Variants in ANK2 observed in about 807,000 individuals in gnomAD.
ANK2 encodes ankyrin-2.
Under a neutral mutation model 360.5 loss-of-function variants are expected in ANK2, and 83 were observed. The observed-to-expected ratio is 0.23, with a 90% CI of 0.19 to 0.28. The LOEUF (loss-of-function observed/expected upper bound fraction) is 0.28. Ranked by LOEUF, ANK2 falls within the 10% of genes least tolerant of loss-of-function variation. The pLI is 1.00. For synonymous variants in ANK2, 1,740 were observed against 1,759.5 expected, an observed-to-expected ratio of 0.99 and a Z score of 0.28; for missense variants, 4,201 against 4,795.7, an observed-to-expected ratio of 0.88 and a Z score of 3.66.
chr4:112,860,481 C>G (rs1330159110), intron 1 of ANK2, among the ~76,000 whole-genome samples: 1 of 151,986 alleles, frequency 6.6e-6, no homozygotes, highest in Non-Finnish European at 1.5e-5. Context: ...GGCCTTTGAA[C>G]ACTAGAAAAA....
intron 2 of ANK2, among the ~76,000 whole-genome samples, chr4:112,986,740 T>C (rs934561487): frequency 2.6e-5 from 4 of 152,166 alleles, no homozygotes; most frequent in Non-Finnish European, 5.9e-5. Flanking sequence ...AAATATCAAA[T>C]GGGGAAAAAT....
intron 4 of ANK2, among the ~76,000 whole-genome samples, chr4:113,215,243 A>G (rs2099072741): frequency 6.6e-6 from 1 of 152,122 alleles, no homozygotes; most frequent in South Asian, 2.1e-4. Flanking sequence ...TTAATCCACT[A>G]TTTGTGTGAC....
intron 1 of ANK2, among the ~76,000 whole-genome samples, chr4:113,052,094 T>C (rs759526737): frequency 2.0e-4 from 30 of 152,224 alleles, no homozygotes; most frequent in Middle Eastern, 3.2e-3. Context: ...ATCATTGAGA[T>C]TTACATAAAT....
chr4:113,320,436 G>A (rs2085455933), intron 26 of ANK2, among the ~76,000 whole-genome samples: 1 of 152,160 alleles, frequency 6.6e-6, no homozygotes, highest in Non-Finnish European at 1.5e-5. Flanking sequence ...GACGGATCAT[G>A]AGGTCAGGGG....
chr4:112,826,821 A>T, intron 1 of ANK2: 1 of 1,234,478 alleles, frequency 8.1e-7, no homozygotes, highest in Non-Finnish European at 1.2e-6. Flanking sequence ...TCAAAAAAAT[A>T]AAGTAAAAGA....
chr4:112,763,319 C>T, the ANK2 span, among the ~76,000 whole-genome samples: 1 of 151,548 alleles, frequency 6.6e-6, no homozygotes, highest in Non-Finnish European at 1.5e-5. Context: ...AGCTCCGTCT[C>T]CCGGGTTTAC....
chr4:113,293,250 G>A (rs773952336), intron 21 of ANK2, 190 bp from the exon 22 acceptor site: 230 of 695,348 alleles, frequency 3.3e-4, no homozygotes, highest in Middle Eastern at 2.0e-3. Context: ...TTACCATGGT[G>A]ACCTGGCCTA....
At chr4:113,287,844 A>G (rs1048476387) in intron 19 of ANK2, 141 bp downstream of exon 19, 1 of 758,410 alleles carries the variant, frequency 1.3e-6, no homozygotes, top group Non-Finnish European at 2.3e-6. Context: ...ACCCTCTCCT[A>G]TGCACAAATC....
the ANK2 span, among the ~76,000 whole-genome samples, chr4:112,730,162 G>A: frequency 2.0e-5 from 3 of 147,510 alleles, no homozygotes; most frequent in Admixed American, 7.0e-5. Context: ...GCTGAAGCAC[G>A]AGAATTGCTT....
At chr4:113,226,284 A>G (rs546774494) in intron 4 of ANK2, among the ~76,000 whole-genome samples, 42 of 152,288 alleles carry the variant, frequency 2.8e-4, no homozygotes, top group African/African-American at 1.0e-3. Context: ...TTCAGAATAA[A>G]ATTCAGACTC....
At chr4:113,374,351 G>A (rs567359843) in intron 45 of ANK2, among the ~76,000 whole-genome samples, 1 of 152,120 alleles carries the variant, frequency 6.6e-6, no homozygotes, top group Non-Finnish European at 1.5e-5. Context: ...TTATACACAT[G>A]AGATTCTCTA....
chr4:112,796,456 C>T, the ANK2 span, among the ~76,000 whole-genome samples: 1 of 79,428 alleles, frequency 1.3e-5, no homozygotes, highest in South Asian at 4.6e-4. Context: ...ATATATCTAT[C>T]TATATATATA....
At chr4:112,871,112 A>G (rs1364385922) in intron 1 of ANK2, among the ~76,000 whole-genome samples, 1 of 152,154 alleles carries the variant, frequency 6.6e-6, no homozygotes, top group African/African-American at 2.4e-5. Context: ...TGTTTACTGC[A>G]AAGTGTTTAA....
chr4:113,250,766 C>CCT (rs60460931), intron 10 of ANK2, among the ~76,000 whole-genome samples: 1 of 140,744 alleles, frequency 7.1e-6, no homozygotes, highest in African/African-American at 2.6e-5. Flanking sequence ...CCCCCCCCCC[C>CCT]GACAGAGTTG....
chr4:113,324,952 C>T (rs919164683), intron 26 of ANK2, among the ~76,000 whole-genome samples: 5 of 152,164 alleles, frequency 3.3e-5, no homozygotes, highest in African/African-American at 9.6e-5. Context: ...ATGGTTTTCT[C>T]CTGCCTCCTC....
intron 26 of ANK2, among the ~76,000 whole-genome samples, chr4:113,320,759 C>G (rs2153860425): frequency 6.6e-6 from 1 of 152,290 alleles, no homozygotes; most frequent in East Asian, 1.9e-4. Context: ...GCCAATAGTA[C>G]AGTTGTTTTA....
intron 45 of ANK2, among the ~76,000 whole-genome samples, chr4:113,377,887 A>T (rs1308249830): frequency 1.3e-5 from 2 of 152,204 alleles, no homozygotes; most frequent in African/African-American, 4.8e-5. Context: ...GTAAAGTACA[A>T]TAACAAATCT....
intron 30 of ANK2, 73 bp downstream of exon 30, chr4:113,336,130 A>G (rs2093494916): frequency 2.0e-6 from 3 of 1,483,250 alleles, no homozygotes; most frequent in Admixed American, 3.5e-5. Flanking sequence ...TTTGTCAAGG[A>G]CTGTTACCTT....
chr4:112,733,594 A>G, the ANK2 span, among the ~76,000 whole-genome samples: 1 of 152,226 alleles, frequency 6.6e-6, no homozygotes, highest in Non-Finnish European at 1.5e-5. Context: ...TTTCACTGAT[A>G]CAGACCCAGC....
Sources: allele counts gnomAD v4.1 joint callset (sites outside exome capture counted in the v4.1 genomes callset), GRCh38; gene constraint gnomAD v4.1.1; transcripts MANE v1.5; gene names NCBI Gene and HGNC (gene_info 2026-07-23, HGNC 2026-07-21).